ZMYM2: variants seen among roughly 807,000 people sequenced by gnomAD.
ZMYM2 encodes zinc finger MYM-type containing 2, also known as zinc finger MYM-type protein 2.
In ZMYM2, 56 loss-of-function variants were observed where a neutral mutation model predicts 162.8. The observed-to-expected ratio is 0.34, with a 90% CI of 0.28 to 0.43. The LOEUF (loss-of-function observed/expected upper bound fraction) is 0.43. Among genes scored for constraint, ZMYM2 ranks in the 20% least tolerant of loss-of-function variants. ZMYM2 has a pLI of 1.00. For missense variants in ZMYM2, 1,275 were observed against 1,621.8 expected (o/e 0.79, Z 3.67); for synonymous variants, 510 against 541.6 (o/e 0.94, Z 0.81).
rs768463916 is a variant in ZMYM2, at chr13:20,008,737, CT to C, written c.1512+2160del. ...ATAAGTAAGATTGGTCTGTAATGTC[CT>C]TTTTTTTTGTGCATTCTTTAAGGTA... On this transcript the variant is annotated intron_variant, in intron 6 of 24. Transcript: ENST00000610343. Among the ~76,000 whole-genome samples, 121 of 151,140 alleles carry C rather than the reference CT, an allele frequency of 8.0e-4. 1 individual carries two copies. Among genetic ancestry groups the C allele is most frequent in the East Asian group, 2.5e-3 (13 of 5,146 alleles).
At chr13:19,932,648 A>G in the ZMYM2 span, among the ~76,000 whole-genome samples, 2 of 149,246 alleles carry the variant, frequency 1.3e-5, no homozygotes, top group East Asian at 2.0e-4. Context: ...TTCATCTCCA[A>G]AAAAAAAAAG....
chr13:19,984,995 A>G (rs372252142), intron 2 of ZMYM2, among the ~76,000 whole-genome samples: 73 of 152,364 alleles, frequency 4.8e-4, no homozygotes, highest in Admixed American at 7.2e-4. Flanking sequence ...CTTATATATT[A>G]AAAGCCTACA....
At chr13:19,866,896 A>G in the ZMYM2 span, among the ~76,000 whole-genome samples, 1 of 152,158 alleles carries the variant, frequency 6.6e-6, no homozygotes, top group Non-Finnish European at 1.5e-5. Context: ...CCCTGTCTCA[A>G]AAACAAAAAA....
the ZMYM2 span, among the ~76,000 whole-genome samples, chr13:19,921,022 G>C: frequency 6.6e-6 from 1 of 151,910 alleles, no homozygotes; most frequent in African/African-American, 2.4e-5. Context: ...GCCCACTTTG[G>C]CCTCCCAAAG....
chr13:20,006,754 A>G (rs766576597), intron 6 of ZMYM2, among the ~76,000 whole-genome samples, 168 bp downstream of exon 6: 2 of 152,220 alleles, frequency 1.3e-5, no homozygotes, highest in Non-Finnish European at 2.9e-5. Flanking sequence ...GCTTTGTACC[A>G]TTAAAGCTGA....
the ZMYM2 span, among the ~76,000 whole-genome samples, chr13:19,868,614 T>C: frequency 1.1e-4 from 17 of 152,336 alleles, no homozygotes; most frequent in East Asian, 3.3e-3. Flanking sequence ...GAGCTAGGAA[T>C]GAATATGTTA....
At chr13:19,982,310 CAG>C (rs1275988124) in intron 2 of ZMYM2, among the ~76,000 whole-genome samples, 1 of 99,562 alleles carries the variant, frequency 1.0e-5, no homozygotes, top group Admixed American at 1.6e-4. Flanking sequence ...TTTTTGGAGA[CAG>C]AGTCTCGCTC....
chr13:19,994,550 C>T (rs907572830), intron 3 of ZMYM2, among the ~76,000 whole-genome samples: 3 of 151,974 alleles, frequency 2.0e-5, no homozygotes, highest in East Asian at 3.9e-4. Flanking sequence ...AGTGCAGTGG[C>T]GCAATCTTGG....
upstream of ZMYM2, among the ~76,000 whole-genome samples, chr13:19,958,279 T>C (rs1954699692): frequency 6.6e-6 from 1 of 152,048 alleles, no homozygotes; most frequent in Non-Finnish European, 1.5e-5. Context: ...GCGGCTCTCC[T>C]CGGGCAGAGG....
chr13:19,964,424 A>G (rs1321716775), intron 2 of ZMYM2, among the ~76,000 whole-genome samples: 1 of 152,082 alleles, frequency 6.6e-6, no homozygotes, highest in Admixed American at 6.6e-5. Context: ...TAGATAATGC[A>G]TGTTTAATAG....
the ZMYM2 span, among the ~76,000 whole-genome samples, chr13:19,885,880 CACATATATATGTGTA>C: frequency 4.9e-5 from 4 of 81,512 alleles, 1 homozygote; most frequent in African/African-American, 1.1e-4. Flanking sequence ...TATGTATATA[CACATATATATGTGTA>C]TACACATATA....
intron 7 of ZMYM2, among the ~76,000 whole-genome samples, chr13:20,021,267 G>A (rs1237857052): frequency 2.0e-5 from 3 of 151,336 alleles, no homozygotes; most frequent in Non-Finnish European, 4.4e-5. Flanking sequence ...GAGCCACTGC[G>A]CCCGGCCTTA....
At chr13:20,001,971 TGCTTTATTGCAGTATTA>T (rs914611737) in intron 3 of ZMYM2, among the ~76,000 whole-genome samples, 34 of 152,364 alleles carry the variant, frequency 2.2e-4, no homozygotes, top group African/African-American at 7.7e-4. Flanking sequence ...TCCCATGTCT[TGCTTTATTGCAGTATTA>T]GCTTTATTGC....
In ZMYM2 at chr13:20,073,281, T is replaced by C. The variant is rs186420282; in HGVS notation, c.3453+5891T>C. On this transcript the variant is annotated intron_variant, in intron 21 of 24. Coordinates refer to ENST00000610343, the MANE Select transcript of ZMYM2 (RefSeq NM_197968.4). ...GTAAAGGGCAAGATAGTAAATAATT[T>C]AGGCCTTGCAGACCAAGAGGTAAAA... Among the ~76,000 whole-genome samples the C allele has an allele frequency of 7.2e-4, 109 of 152,298 alleles. 2 individuals carry two copies. Among genetic ancestry groups the C allele is most frequent in the Non-Finnish European group, 2.2e-4 (15 of 68,022 alleles).
intron 14 of ZMYM2, 70 bp from the exon 15 acceptor site, chr13:20,058,505 C>T: frequency 6.5e-7 from 1 of 1,528,496 alleles, no homozygotes; most frequent in Non-Finnish European, 8.8e-7. Context: ...ACTGAAAATC[C>T]TTCATTGACA....
intron 7 of ZMYM2, 120 bp from the exon 8 acceptor site, chr13:20,026,492 A>T: frequency 1.0e-6 from 1 of 979,724 alleles, no homozygotes. Context: ...CATGACTCTA[A>T]ACCTGTTTAG....
the ZMYM2 span, among the ~76,000 whole-genome samples, chr13:19,929,335 T>A: frequency 4.5e-3 from 692 of 152,132 alleles, 1 homozygote; most frequent in Non-Finnish European, 8.2e-3. Context: ...GCCTCCTGGG[T>A]TCACGCCATT....
At chr13:20,023,175 G>A (rs949887349) in intron 7 of ZMYM2, among the ~76,000 whole-genome samples, 1 of 152,154 alleles carries the variant, frequency 6.6e-6, no homozygotes, top group Non-Finnish European at 1.5e-5. Flanking sequence ...GAAAGAGAAT[G>A]TTAAATTTCA....
the ZMYM2 span, among the ~76,000 whole-genome samples, chr13:19,865,742 G>C: frequency 1.3e-5 from 2 of 152,160 alleles, no homozygotes; most frequent in Non-Finnish European, 2.9e-5. Flanking sequence ...GGAATGACAG[G>C]TTCATGTCCC....
Sources: gnomAD v4.1 joint callset for allele counts (sites outside exome capture counted in the v4.1 genomes callset) on GRCh38, gnomAD v4.1.1 for gene constraint, MANE v1.5 for transcripts, NCBI Gene and HGNC (gene_info 2026-07-23, HGNC 2026-07-21) for gene names.